PACS1: variants seen among roughly 807,000 people sequenced by gnomAD.
PACS1 encodes PACS-1.
Under a neutral mutation model 115.0 loss-of-function variants are expected in PACS1, and 24 were observed. The ratio of observed to expected loss-of-function variants is 0.21; its 90% CI spans 0.15 to 0.29. PACS1 has a LOEUF of 0.29. PACS1 is among the 10% of genes least tolerant of loss of function. The probability of loss-of-function intolerance (pLI) is 1.00; values close to 1 mark genes in which losing one functional copy is unlikely to be tolerated. For missense variants in PACS1, 838 were observed against 1,251.2 expected (o/e 0.67, Z 4.98); for synonymous variants, 453 against 504.5 (o/e 0.90, Z 1.37).
intron 7 of PACS1, 135 bp downstream of exon 7, chr11:66,216,910 C>G (rs1177900001): frequency 3.1e-6 from 2 of 637,932 alleles, no homozygotes; most frequent in Non-Finnish European, 5.7e-6. Flanking sequence ...CCAATGAACG[C>G]TCTATATCCT....
At chr11:66,102,955 C>T (rs55944083) in intron 1 of PACS1, among the ~76,000 whole-genome samples, 24,791 of 152,020 alleles carry the variant, frequency 0.16, 2,714 homozygotes, top group Admixed American at 0.3. Flanking sequence ...CTCAGCTTCC[C>T]GAGTAGCTGG....
intron 1 of PACS1, among the ~76,000 whole-genome samples, chr11:66,134,232 ATTTCTTTTTCTT>A (rs1334094486): frequency 1.0e-5 from 1 of 95,464 alleles, no homozygotes; most frequent in African/African-American, 3.6e-5. Context: ...CGGTGATTAA[ATTTCTTTTTCTT>A]TTTCTTTTTC....
chr11:66,160,718 ACTAT>A (rs1654396220), intron 1 of PACS1, among the ~76,000 whole-genome samples: 1 of 134,620 alleles, frequency 7.4e-6, no homozygotes. Flanking sequence ...ATGACGTCTC[ACTAT>A]GTTTCCCAGG....
intron 1 of PACS1, among the ~76,000 whole-genome samples, chr11:66,080,550 G>A (rs1857462487): frequency 6.6e-6 from 1 of 152,154 alleles, no homozygotes. Context: ...CAGGTGCTAC[G>A]ATCCCTTTTC....
intron 4 of PACS1, among the ~76,000 whole-genome samples, chr11:66,211,626 C>G (rs1855071366): frequency 1.3e-5 from 2 of 152,190 alleles, no homozygotes; most frequent in Admixed American, 6.5e-5. Flanking sequence ...GTATTATTTT[C>G]TGAGCCATCC....
chr11:66,081,036 C>T (rs1403185093), intron 1 of PACS1, among the ~76,000 whole-genome samples: 1 of 151,918 alleles, frequency 6.6e-6, no homozygotes, highest in East Asian at 1.9e-4. Context: ...CGAGACCAGC[C>T]TGGGCAACAT....
Position 66,236,123 on chromosome 11 carries a change from T to TGGGTGGAGGCCAG in PACS1, c.2250+186_2250+198dup, listed in dbSNP as rs1855699024. 6.6e-6 allele frequency among the ~76,000 whole-genome samples: 1 copy of TGGGTGGAGGCCAG among 152,016 alleles called. No individual in the cohort carries two copies. Among genetic ancestry groups the TGGGTGGAGGCCAG allele is most frequent in the South Asian group, 2.1e-4 (1 of 4,832 alleles). On this transcript the variant is annotated intron_variant, in intron 19 of 23. Transcript: ENST00000320580. The surrounding 1 kb of genome is among the most constrained non-coding windows in gnomAD (Gnocchi z 4.2). ...TGGTTGTTATACGGGGGGTACCCAGTGGGTGGAGGCCAGGGATGCAGCTGG... is the reference window on the plus strand; with the variant it reads ...TGGTTGTTATACGGGGGGTACCCAGTGGGTGGAGGCCAGGGGTGGAGGCCAGGGATGCAGCTGG...
rs1446351072 is a variant in PACS1 at position 66,235,119 on chromosome 11, T to A, written c.2105-182T>A. Among the ~76,000 whole-genome samples the A allele has an allele frequency of 2.6e-5, 4 of 152,032 alleles. No homozygotes were observed. The highest frequency in any genetic ancestry group is 9.7e-5 in the African/African-American group (4 of 41,380). ...CAGGGCTTTGAGGAACTGCAAAGAT[T>A]GGAAGGGAGAGGACCATCCTTGGGC... On this transcript the variant is annotated intron_variant, in intron 17 of 23. Transcript: ENST00000320580. This position sits in a 1 kb window ranked among gnomAD's most constrained non-coding sequence, Gnocchi z 5.6.
chr11:66,114,627 C>T lies in PACS1; in HGVS notation c.356+43785C>T, dbSNP rs528498465. Among the ~76,000 whole-genome samples, 427 of 151,942 alleles carry T rather than the reference C, an allele frequency of 2.8e-3. 1 individual carries two copies. The highest frequency in any genetic ancestry group is 4.8e-3 in the Non-Finnish European group (323 of 67,934). On this transcript the variant is annotated intron_variant, in intron 1 of 23. Transcript: ENST00000320580. The stretch of plus-strand genomic sequence containing the variant: ...TGCAAATAATTTGTGTTTTTAGGGT[C>T]TTTCATTTCTTATTTAGTTATATAA...
chr11:66,149,028 G>C (rs1307866978), intron 1 of PACS1, among the ~76,000 whole-genome samples: 1 of 151,448 alleles, frequency 6.6e-6, no homozygotes. Context: ...GTCGAAAAGA[G>C]ATTGAGCAGC....
intron 5 of PACS1, 54 bp downstream of exon 5, chr11:66,216,317 A>C: frequency 6.2e-7 from 1 of 1,601,280 alleles, no homozygotes; most frequent in Admixed American, 1.7e-5. Flanking sequence ...CATCCTGGGA[A>C]AGGTGAACAA....
intron 1 of PACS1, among the ~76,000 whole-genome samples, chr11:66,171,618 C>T (rs1717671): frequency 0.72 from 107,131 of 149,084 alleles, 40,730 homozygotes; most frequent in Non-Finnish European, 0.81. Context: ...CTCGCTCTGT[C>T]GCCCAGGCTG....
intron 1 of PACS1, among the ~76,000 whole-genome samples, chr11:66,072,663 C>G (rs1252374732): frequency 6.6e-6 from 1 of 152,164 alleles, no homozygotes; most frequent in Non-Finnish European, 1.5e-5. Flanking sequence ...CCTAAGCAGG[C>G]CTCTCTCTTT....
chr11:66,108,553 T>C lies in PACS1; in HGVS notation c.356+37711T>C, dbSNP rs12275886. On this transcript the variant is annotated intron_variant, in intron 1 of 23. Transcript: ENST00000320580. ...GCCTGGGCATCATAGCAAGACCCCC[T>C]GTCTCTACAAAAGCTGGCAGCCTGA... Among the ~76,000 whole-genome samples, 546 of 152,140 alleles carry C rather than the reference T, an allele frequency of 3.6e-3. 5 individuals are homozygous for C. Among genetic ancestry groups the C allele is most frequent in the African/African-American group, 0.013 (524 of 41,510 alleles).
intron 19 of PACS1, among the ~76,000 whole-genome samples, chr11:66,237,468 G>A (rs1360852798): frequency 6.6e-6 from 1 of 152,226 alleles, no homozygotes; most frequent in African/African-American, 2.4e-5. Flanking sequence ...CCTGCTTTCT[G>A]CGCATCCAAG....
At chr11:66,182,944 A>G (rs1590802839) in intron 1 of PACS1, among the ~76,000 whole-genome samples, 1 of 152,186 alleles carries the variant, frequency 6.6e-6, no homozygotes, top group African/African-American at 2.4e-5. Flanking sequence ...AGCCTGGGCA[A>G]CATGGTGAAA....
intron 4 of PACS1, among the ~76,000 whole-genome samples, chr11:66,212,191 G>A (rs1002435551): frequency 3.3e-5 from 5 of 151,432 alleles, no homozygotes; most frequent in African/African-American, 1.2e-4. Context: ...GAGTGCAGTG[G>A]CATGATCTTG....
intron 2 of PACS1, among the ~76,000 whole-genome samples, chr11:66,198,178 G>C (rs1045062276): frequency 1.3e-5 from 2 of 152,226 alleles, no homozygotes; most frequent in African/African-American, 4.8e-5. Flanking sequence ...ACCTCCCAGT[G>C]CTGGGATTAT....
chr11:66,073,444 G>A (rs1262244037), intron 1 of PACS1, among the ~76,000 whole-genome samples: 1 of 152,214 alleles, frequency 6.6e-6, no homozygotes, highest in East Asian at 1.9e-4. Flanking sequence ...GCATAAGAAT[G>A]TCATGGGATT....
Sources: allele counts gnomAD v4.1 joint callset (sites outside exome capture counted in the v4.1 genomes callset), GRCh38; gene constraint gnomAD v4.1.1; non-coding constraint Gnocchi (gnomAD v3.1); transcripts MANE v1.5; gene names NCBI Gene and HGNC (gene_info 2026-07-23, HGNC 2026-07-21).